The following HOMER1 variants were observed in gnomAD, a reference collection of about 807,000 sequenced individuals.
HOMER1 encodes the protein homer protein homolog 1.
A neutral mutation model predicts 48.9 loss-of-function variants in HOMER1; 3 were observed. That is an observed-to-expected ratio of 0.06 (90% confidence interval 0.03 to 0.16). HOMER1 has a LOEUF of 0.16. Ranked by LOEUF, HOMER1 falls within the 10% of genes least tolerant of loss-of-function variation. HOMER1 has a pLI of 1.00. For synonymous variants in HOMER1, 134 were observed against 146.4 expected, an observed-to-expected ratio of 0.92 and a Z score of 0.61; for missense variants, 247 against 411.4, an observed-to-expected ratio of 0.60 and a Z score of 3.46.
At position 79,374,783 on chromosome 5, in the gene HOMER1, C is replaced by T. The variant is rs1224968068; in HGVS notation, c.*1226G>A. On this transcript the variant is annotated 3_prime_UTR_variant, in exon 9 of 9. Coordinates refer to ENST00000334082, the MANE Select transcript of HOMER1 (RefSeq NM_004272.5). The stretch of plus-strand genomic sequence containing the variant: ...GTTTGCTAAAAGTCTTTTAAAATTA[C>T]ATCAAAACAACATTAAAACCTGTTC... 2 of 152,042 alleles carry T rather than the reference C, an allele frequency of 1.3e-5. No individual in the cohort carries two copies. The highest frequency in any genetic ancestry group is 1.3e-4 in the Admixed American group (2 of 15,260). 9.4% of individuals were successfully genotyped at this position (152,042 alleles called of 1,614,324 possible). A position where few individuals can be genotyped will look rare whatever the true frequency, so the allele number is the denominator to read the frequency against.
intron 6 of HOMER1, among the ~76,000 whole-genome samples, chr5:79,398,245 G>T (rs1020757355): frequency 2.6e-5 from 4 of 151,802 alleles, no homozygotes; most frequent in African/African-American, 9.7e-5. Flanking sequence ...ACAGAGAGGG[G>T]CACTGTCCTT....
chr5:79,391,109 C>T (rs1332913084), intron 8 of HOMER1, among the ~76,000 whole-genome samples: 1 of 148,732 alleles, frequency 6.7e-6, no homozygotes, highest in Non-Finnish European at 1.5e-5. Flanking sequence ...GTGGCACTTA[C>T]TAGTTAATCA....
intron 8 of HOMER1, among the ~76,000 whole-genome samples, chr5:79,379,079 C>CATATATATATATATATATAT (rs3082000): frequency 7.2e-5 from 4 of 55,214 alleles, no homozygotes; most frequent in African/African-American, 2.3e-4. Context: ...ACCTTTTGTC[C>CATATATATATATATATATAT]ATATATATAT....
chr5:79,458,679 G>C (rs1213537439), intron 1 of HOMER1, among the ~76,000 whole-genome samples: 2 of 152,022 alleles, frequency 1.3e-5, no homozygotes, highest in Admixed American at 6.6e-5. Flanking sequence ...TCTTATTAAA[G>C]AATCTCTCTT....
intron 1 of HOMER1, among the ~76,000 whole-genome samples, chr5:79,465,352 A>C (rs1180015454): frequency 6.6e-6 from 1 of 152,106 alleles, no homozygotes; most frequent in Non-Finnish European, 1.5e-5. Context: ...AAAAGAAAAA[A>C]AAATGTATGA....
chr5:79,465,581 CTTCTTT>C (rs1751437328), intron 1 of HOMER1, among the ~76,000 whole-genome samples: 2 of 90,410 alleles, frequency 2.2e-5, no homozygotes, highest in Non-Finnish European at 4.1e-5. Context: ...GTTTACATTT[CTTCTTT>C]TTTTTTTTTT....
intron 1 of HOMER1, among the ~76,000 whole-genome samples, chr5:79,465,728 G>A (rs1018543343): frequency 5.9e-5 from 9 of 151,446 alleles, no homozygotes; most frequent in African/African-American, 2.2e-4. Flanking sequence ...GAGTAGCTGG[G>A]ACTACAGGCA....
rs1456587726 is a variant in HOMER1 at position 79,372,850 on chromosome 5, T to C, written c.*3159A>G. ...GGGCAAATAAACTAGTTTTTAAAGG[T>C]AGTGGTGGTGTTGGCTTAATTTTGA... On this transcript the variant is annotated 3_prime_UTR_variant, in exon 9 of 9. Coordinates refer to ENST00000334082, the MANE Select transcript of HOMER1 (RefSeq NM_004272.5). The C allele has an allele frequency of 6.6e-6, 1 of 152,000 alleles. No individual in the cohort carries two copies. 9.4% of individuals were successfully genotyped at this position (152,000 alleles called of 1,614,324 possible).
intron 2 of HOMER1, among the ~76,000 whole-genome samples, chr5:79,452,325 T>C (rs1209903082): frequency 6.6e-6 from 1 of 152,214 alleles, no homozygotes; most frequent in Non-Finnish European, 1.5e-5. Context: ...TTACTAAATA[T>C]TAACTTTGGT....
intron 5 of HOMER1, among the ~76,000 whole-genome samples, chr5:79,431,762 C>T (rs532875786): frequency 6.6e-6 from 1 of 152,270 alleles, no homozygotes; most frequent in African/African-American, 2.4e-5. Flanking sequence ...GTACAATGTA[C>T]ATTTATTTAA....
intron 5 of HOMER1, among the ~76,000 whole-genome samples, chr5:79,422,683 T>A (rs1750134026): frequency 6.6e-6 from 1 of 151,916 alleles, no homozygotes; most frequent in Non-Finnish European, 1.5e-5. Context: ...GGATTAAATA[T>A]AAACCCAAGT....
At chr5:79,431,321 C>T (rs1013023949) in intron 5 of HOMER1, among the ~76,000 whole-genome samples, 26 of 151,148 alleles carry the variant, frequency 1.7e-4, no homozygotes, top group Admixed American at 6.6e-5. Context: ...AGACTCAAAA[C>T]AAACAAACAA....
At chr5:79,415,270 G>A (rs1036181023) in intron 5 of HOMER1, among the ~76,000 whole-genome samples, 1 of 151,318 alleles carries the variant, frequency 6.6e-6, no homozygotes, top group Non-Finnish European at 1.5e-5. Flanking sequence ...ATGTTGCCTA[G>A]GGTGGTCTCA....
intron 8 of HOMER1, among the ~76,000 whole-genome samples, chr5:79,387,226 C>T (rs2112199741): frequency 1.3e-5 from 2 of 152,054 alleles, no homozygotes; most frequent in Middle Eastern, 6.8e-3. Flanking sequence ...CTTCTGGGCT[C>T]ACATGATCTT....
chr5:79,382,883 T>C (rs1003713689), intron 8 of HOMER1, among the ~76,000 whole-genome samples: 2 of 152,034 alleles, frequency 1.3e-5, no homozygotes, highest in Admixed American at 1.3e-4. Flanking sequence ...ACCTCAAATA[T>C]CAATAGTAAC....
At chr5:79,379,183 T>A (rs1322541717) in intron 8 of HOMER1, among the ~76,000 whole-genome samples, 1 of 104,302 alleles carries the variant, frequency 9.6e-6, no homozygotes, top group African/African-American at 3.8e-5. Context: ...ATATATATTT[T>A]TATATATCTA....
intron 3 of HOMER1, among the ~76,000 whole-genome samples, chr5:79,450,284 T>C (rs1468721456): frequency 6.6e-6 from 1 of 152,228 alleles, no homozygotes; most frequent in East Asian, 1.9e-4. Flanking sequence ...CTTTGATCAC[T>C]TAGTATACTG....
intron 8 of HOMER1, among the ~76,000 whole-genome samples, chr5:79,391,240 C>T (rs1235301945): frequency 2.7e-5 from 4 of 150,798 alleles, no homozygotes; most frequent in Non-Finnish European, 5.9e-5. Context: ...TGGGCTCAAA[C>T]GTTCTTCCCA....
intron 8 of HOMER1, among the ~76,000 whole-genome samples, chr5:79,380,418 C>A (rs548636653): frequency 6.6e-6 from 1 of 152,208 alleles, no homozygotes; most frequent in African/African-American, 2.4e-5. Context: ...GGCTGTTACA[C>A]CCAGTGCTTA....
Sources: gnomAD v4.1 joint callset for allele counts (sites outside exome capture counted in the v4.1 genomes callset) on GRCh38, gnomAD v4.1.1 for gene constraint, MANE v1.5 for transcripts, NCBI Gene and HGNC (gene_info 2026-07-23, HGNC 2026-07-21) for gene names.